Variants in THRB observed in about 807,000 individuals in gnomAD.
THRB encodes the protein nuclear receptor subfamily 1 group A member 2.
A neutral mutation model predicts 47.8 loss-of-function variants in THRB; 12 were observed. That is an observed-to-expected ratio of 0.25 (90% CI 0.16 to 0.41). The LOEUF is 0.41. THRB is among the 10% of genes least tolerant of loss of function. The pLI is 1.00. For synonymous variants in THRB, 218 were observed against 212.2 expected (o/e 1.03, Z -0.24); for missense variants, 348 against 589.2 (o/e 0.59, Z 4.24).
chr3:24,126,169 G>A (rs2032755146), intron 10 of THRB, among the ~76,000 whole-genome samples: 1 of 152,168 alleles, frequency 6.6e-6, no homozygotes, highest in South Asian at 2.1e-4. Flanking sequence ...GAGGTGAGAA[G>A]ATCACTTGAG....
rs114619484 is a variant in THRB, at chr3:24,464,823, A to G, written c.-261+29829T>C. ...TTGTAAACCAACCAAAATCTAAAGAAAATCTTTTTTTATCATTCTATAAAA... is the reference window on the plus strand; with the variant it reads ...TTGTAAACCAACCAAAATCTAAAGAGAATCTTTTTTTATCATTCTATAAAA... On this transcript the variant is annotated intron_variant, in intron 1 of 10. Transcript: ENST00000646209. Among the ~76,000 whole-genome samples the G allele has an allele frequency of 6.4e-3, 973 of 152,340 alleles. 11 individuals are homozygous for G. Among genetic ancestry groups the G allele is most frequent in the African/African-American group, 0.022 (915 of 41,586 alleles).
chr3:24,484,939 G>T (rs1697069708), intron 1 of THRB, among the ~76,000 whole-genome samples: 1 of 152,112 alleles, frequency 6.6e-6, no homozygotes, highest in Non-Finnish European at 1.5e-5. Context: ...TTAATTAGGT[G>T]ATATTTCCAT....
chr3:24,148,224 G>C (rs955551178), intron 6 of THRB, among the ~76,000 whole-genome samples: 1 of 152,150 alleles, frequency 6.6e-6, no homozygotes, highest in Non-Finnish European at 1.5e-5. Context: ...CCTCCAGGGT[G>C]CAAGTGATTC....
intron 1 of THRB, among the ~76,000 whole-genome samples, chr3:24,383,911 T>G (rs28709813): frequency 0.033 from 4,989 of 152,272 alleles, 255 homozygotes; most frequent in African/African-American, 0.11. Flanking sequence ...CACCTTTTCT[T>G]GATGGAACTA....
intron 1 of THRB, among the ~76,000 whole-genome samples, chr3:24,440,047 G>A (rs1276867734): frequency 1.3e-5 from 2 of 152,124 alleles, no homozygotes; most frequent in Non-Finnish European, 2.9e-5. Flanking sequence ...TCTACTATAT[G>A]ATCCATTATG....
intron 1 of THRB, among the ~76,000 whole-genome samples, chr3:24,460,186 T>C (rs1219965106): frequency 6.6e-6 from 1 of 152,202 alleles, no homozygotes; most frequent in Non-Finnish European, 1.5e-5. Context: ...AACACCAAAA[T>C]GGAAAGGTTA....
intron 2 of THRB, among the ~76,000 whole-genome samples, chr3:24,297,937 A>G (rs1391773775): frequency 6.6e-6 from 1 of 152,010 alleles, no homozygotes; most frequent in Admixed American, 6.5e-5. Context: ...AATTTAAAAA[A>G]TACATATTTC....
chr3:24,447,145 A>G (rs926778237), intron 1 of THRB, among the ~76,000 whole-genome samples: 2 of 152,186 alleles, frequency 1.3e-5, no homozygotes, highest in South Asian at 4.1e-4. Flanking sequence ...CCCCTTTCCA[A>G]TTAGTTTTTA....
At chr3:24,377,612 A>T (rs2065389124) in intron 1 of THRB, among the ~76,000 whole-genome samples, 1 of 152,174 alleles carries the variant, frequency 6.6e-6, no homozygotes, top group African/African-American at 2.4e-5. Flanking sequence ...CTGGATTATT[A>T]ACAACAATAG....
chr3:24,405,596 GT>G (rs920148022), intron 1 of THRB, among the ~76,000 whole-genome samples: 2 of 151,612 alleles, frequency 1.3e-5, no homozygotes, highest in Non-Finnish European at 2.9e-5. Context: ...TTTGTTTACA[GT>G]TTTTTTCATT....
intron 5 of THRB, among the ~76,000 whole-genome samples, chr3:24,188,778 G>A (rs1385006175): frequency 2.4e-5 from 3 of 124,180 alleles, no homozygotes; most frequent in African/African-American, 1.1e-4. Flanking sequence ...ACACACATAC[G>A]TCCTACATCC....
At chr3:24,408,703 A>G (rs999325255) in intron 1 of THRB, among the ~76,000 whole-genome samples, 2 of 151,874 alleles carry the variant, frequency 1.3e-5, no homozygotes, top group Non-Finnish European at 2.9e-5. Flanking sequence ...GTAAACATCA[A>G]CTGTGATTAT....
chr3:24,488,842 T>C (rs568151956), intron 1 of THRB, among the ~76,000 whole-genome samples: 11 of 152,332 alleles, frequency 7.2e-5, no homozygotes, highest in Admixed American at 1.3e-4. Flanking sequence ...GGTAAGATGA[T>C]ATCACAGAGG....
chr3:24,288,957 A>G (rs2055631376), intron 3 of THRB, among the ~76,000 whole-genome samples: 1 of 152,240 alleles, frequency 6.6e-6, no homozygotes, highest in African/African-American at 2.4e-5. Context: ...CACTGCACCA[A>G]AGCAATGCCA....
chr3:24,202,395 CT>C (rs966146433), intron 4 of THRB, among the ~76,000 whole-genome samples: 1 of 152,082 alleles, frequency 6.6e-6, no homozygotes, highest in African/African-American at 2.4e-5. Context: ...ATTAAGACTC[CT>C]TTTTTTCATC....
intron 1 of THRB, among the ~76,000 whole-genome samples, chr3:24,479,076 A>G (rs1480157798): frequency 2.6e-5 from 4 of 152,120 alleles, no homozygotes; most frequent in African/African-American, 9.7e-5. Context: ...AGGTGGGAGG[A>G]TCACGAGGTC....
At position 24,482,280 on chromosome 3, in the gene THRB, A is replaced by C. The variant is rs552184007; in HGVS notation, c.-261+12372T>G. ...ACTATGTCCTGGCTAAGCAGTTTAT[A>C]GCCATTATCTCATGTAATTTCTTCC... On this transcript the variant is annotated intron_variant, in intron 1 of 10. Coordinates refer to ENST00000646209, the MANE Select transcript of THRB (RefSeq NM_001354712.2). Among the ~76,000 whole-genome samples the C allele has an allele frequency of 4.6e-5, 7 of 152,352 alleles. No individual in the cohort carries two copies. The East Asian group carries it at 1.3e-3, about 29-fold the overall frequency.
intron 2 of THRB, among the ~76,000 whole-genome samples, chr3:24,325,457 C>T (rs543784922): frequency 1.4e-4 from 21 of 152,226 alleles, no homozygotes; most frequent in Admixed American, 7.8e-4. Flanking sequence ...GAGGCTGAGG[C>T]GGATGGATCA....
chr3:24,408,803 C>T (rs757093807), intron 1 of THRB, among the ~76,000 whole-genome samples: 1 of 151,358 alleles, frequency 6.6e-6, no homozygotes, highest in Non-Finnish European at 1.5e-5. Context: ...TAACACAGTT[C>T]AAATCATTAC....
Sources: gnomAD v4.1 joint callset for allele counts (sites outside exome capture counted in the v4.1 genomes callset) on GRCh38, gnomAD v4.1.1 for gene constraint, MANE v1.5 for transcripts, NCBI Gene and HGNC (gene_info 2026-07-23, HGNC 2026-07-21) for gene names.